COL22A1: variants seen among roughly 807,000 people sequenced by gnomAD.
COL22A1 encodes the protein collagen type XXII alpha 1 chain.
COL22A1 carries 221 observed loss-of-function variants against 248.9 expected under a neutral mutation model. The observed-to-expected ratio is 0.89, with a 90% CI of 0.80 to 0.99. COL22A1 has a LOEUF of 0.99. COL22A1 is among the 50% of genes least tolerant of loss of function. The pLI, the probability that COL22A1 is intolerant of heterozygous loss-of-function variation, is 0.00. For missense variants in COL22A1, 2,240 were observed against 2,179.0 expected, an observed-to-expected ratio of 1.03 and a Z score of -0.56; for synonymous variants, 891 against 793.4, an observed-to-expected ratio of 1.12 and a Z score of -2.07.
chr8:138,741,363 G>A lies in COL22A1; in HGVS notation c.2086-3786C>T, dbSNP rs185475411. ...AAAGCTCCAAGTGAGTAGAATCAAA[G>A]GAATTCTCTGTGTTCTTTCTCCAAC... On this transcript the variant is annotated intron_variant, in intron 22 of 64. Coordinates refer to ENST00000303045, the MANE Select transcript of COL22A1 (RefSeq NM_152888.3). Among the ~76,000 whole-genome samples the A allele has an allele frequency of 1.1e-3, 165 of 152,310 alleles. 3 individuals are homozygous for A. In the South Asian group the frequency reaches 0.025, roughly 23 times the overall value.
intron 3 of COL22A1, among the ~76,000 whole-genome samples, chr8:138,856,201 A>T (rs1352121710): frequency 6.6e-6 from 1 of 152,238 alleles, no homozygotes; most frequent in African/African-American, 2.4e-5. Flanking sequence ...CCCCTAGAGC[A>T]GTCAAGGCGT....
chr8:138,821,316 C>A lies in COL22A1; in HGVS notation c.1065G>T (p.Arg355=). 6.2e-7 allele frequency: 1 copy of A among 1,614,156 alleles called. No homozygotes were observed. Among genetic ancestry groups the A allele is most frequent in the East Asian group, 2.2e-5 (1 of 44,874 alleles). ...DAVRVVFRGS[R]VNDLFDRDWH... ...AGTCCCGGTCAAAGAGGTCATTGACCCGAGAACCTCGGAAGACCACCCTGA... is the reference window on the plus strand; with the variant it reads ...AGTCCCGGTCAAAGAGGTCATTGACACGAGAACCTCGGAAGACCACCCTGA... The change falls in exon 7 of 65, where the codon CGG becomes CGT. Residue 355 remains arginine (R), a synonymous_variant. Coordinates refer to ENST00000303045, the MANE Select transcript of COL22A1 (RefSeq NM_152888.3).
intron 4 of COL22A1, among the ~76,000 whole-genome samples, chr8:138,841,239 G>A (rs376302183): frequency 1.7e-4 from 26 of 152,172 alleles, no homozygotes; most frequent in African/African-American, 4.8e-4. Context: ...TGTCAGGTAC[G>A]GTCCTCTACT....
At position 138,878,008 on chromosome 8, in the gene COL22A1, C is replaced by T. The variant is rs1281644152; in HGVS notation, c.400G>A (p.Gly134Ser). ...TAGGCGCGGTCCCTGGGGCGGCCGC[C>T]GGCGTGTGGGGAGAAGCTGCGGGCC... ...ITARSFSPHA[G>S]GRPRDRAYKQ... The change falls in exon 3 of 65, where the codon GGC becomes AGC. Residue 134 changes from glycine (G) to serine (S), a missense_variant. Physicochemically the swap from Gly to Ser is moderately conservative, Grantham distance 56. Coordinates refer to ENST00000303045, the MANE Select transcript of COL22A1 (RefSeq NM_152888.3). 1.5e-5 allele frequency: 23 copies of T among 1,583,786 alleles called. No individual in the cohort carries two copies. Among genetic ancestry groups the T allele is most frequent in the South Asian group, 4.6e-5 (4 of 87,302 alleles).
intron 48 of COL22A1, 25 bp from the exon 49 acceptor site, chr8:138,635,088 T>C: frequency 1.3e-6 from 2 of 1,579,374 alleles, no homozygotes; most frequent in South Asian, 2.3e-5. Context: ...GATGCAATTC[T>C]TTAAAATGAC....
chr8:138,626,040 T>C, intron 51 of COL22A1, 150 bp downstream of exon 51: 3 of 612,154 alleles, frequency 4.9e-6, no homozygotes, highest in Non-Finnish European at 8.2e-6. Context: ...GATAAACAAG[T>C]TAGTGATTAT....
intron 1 of COL22A1, among the ~76,000 whole-genome samples, chr8:138,890,879 C>T (rs574429801): frequency 3.3e-5 from 5 of 151,950 alleles, no homozygotes; most frequent in East Asian, 3.9e-4. Flanking sequence ...AAAAACTAGC[C>T]GGGCATGGCA....
intron 1 of COL22A1, among the ~76,000 whole-genome samples, chr8:138,884,156 T>C (rs1041505928): frequency 6.6e-6 from 1 of 152,190 alleles, no homozygotes; most frequent in African/African-American, 2.4e-5. Flanking sequence ...ATGCTCCCCT[T>C]CTGGAAAATT....
intron 39 of COL22A1, among the ~76,000 whole-genome samples, chr8:138,683,534 C>T (rs1265333883): frequency 6.6e-6 from 1 of 152,192 alleles, no homozygotes; most frequent in Non-Finnish European, 1.5e-5. Flanking sequence ...CCCTGTGTGA[C>T]TGTCACTAGG....
intron 3 of COL22A1, among the ~76,000 whole-genome samples, chr8:138,867,554 G>GTCCCTGGCTGAGA (rs902265261): frequency 6.6e-6 from 1 of 152,164 alleles, no homozygotes. Context: ...GAGAGGTGAA[G>GTCCCTGGCTGAGA]TCCCTGGCTG....
chr8:138,715,201 G>A (rs1031263494), intron 30 of COL22A1, among the ~76,000 whole-genome samples: 14 of 152,220 alleles, frequency 9.2e-5, no homozygotes, highest in East Asian at 3.9e-4. Flanking sequence ...TATGTCTAGC[G>A]TATTATTTTC....
At chr8:138,646,254 C>A (rs1255765758) in intron 47 of COL22A1, among the ~76,000 whole-genome samples, 1 of 152,166 alleles carries the variant, frequency 6.6e-6, no homozygotes, top group Admixed American at 6.5e-5. Flanking sequence ...GTGCCACATC[C>A]TTTTTATGTA....
intron 64 of COL22A1, 67 bp downstream of exon 64, chr8:138,591,357 C>G: frequency 8.1e-7 from 1 of 1,237,378 alleles, no homozygotes; most frequent in Non-Finnish European, 1.1e-6. Flanking sequence ...TGTGGGGCCA[C>G]GGGCAGGGGT....
intron 23 of COL22A1, among the ~76,000 whole-genome samples, chr8:138,733,297 T>C (rs1055305221): frequency 2.6e-5 from 4 of 152,220 alleles, no homozygotes; most frequent in African/African-American, 9.7e-5. Context: ...CATGGATGTA[T>C]AGATTTATTG....
At chr8:138,655,875 C>T (rs775660594) in intron 45 of COL22A1, 22 bp downstream of exon 45, 27 of 1,592,076 alleles carry the variant, frequency 1.7e-5, no homozygotes, top group Admixed American at 3.3e-5. Flanking sequence ...AAAACACATG[C>T]GCATTTATTG....
In COL22A1 at chr8:138,636,289, C is replaced by G. The variant is rs77808418; in HGVS notation, c.3555+453G>C. Among the ~76,000 whole-genome samples the G allele has an allele frequency of 6.7e-3, 1,020 of 151,698 alleles. 7 individuals carry two copies. Among genetic ancestry groups the G allele is most frequent in the African/African-American group, 0.024 (988 of 41,346 alleles). On this transcript the variant is annotated intron_variant, in intron 48 of 64. Transcript: ENST00000303045. ...TAGCACATTAGGAGCAGTGGTCCAG[C>G]AGGCCTGGATGGGCACTGATCTGAT...
chr8:138,604,828 G>A (rs1818300894), intron 58 of COL22A1, 59 bp from the exon 59 acceptor site: 1 of 1,366,358 alleles, frequency 7.3e-7, no homozygotes, highest in Non-Finnish European at 1.0e-6. Flanking sequence ...TCAGTACTAA[G>A]ACTGTCTTTA....
chr8:138,597,068 T>C, intron 61 of COL22A1, 98 bp from the exon 62 acceptor site: 2 of 899,116 alleles, frequency 2.2e-6, no homozygotes, highest in Non-Finnish European at 3.6e-6. Context: ...GTAGGTGGTA[T>C]ATACCCACAC....
At chr8:138,606,593 G>C (rs1818445472) in intron 57 of COL22A1, 141 bp from the exon 58 acceptor site, 1 of 815,098 alleles carries the variant, frequency 1.2e-6, no homozygotes, top group Non-Finnish European at 2.0e-6. Flanking sequence ...GAGGGGCATG[G>C]GTTAGGAAAA....
Sources: allele counts gnomAD v4.1 joint callset (sites outside exome capture counted in the v4.1 genomes callset), GRCh38; gene constraint gnomAD v4.1.1; transcripts MANE v1.5; gene names NCBI Gene and HGNC (gene_info 2026-07-23, HGNC 2026-07-21).